EHMT1: variants seen among roughly 807,000 people sequenced by gnomAD.
The protein encoded by EHMT1 is euchromatic histone lysine methyltransferase 1.
EHMT1 carries 15 observed loss-of-function variants against 147.2 expected under a neutral mutation model. The ratio of observed to expected loss-of-function variants is 0.10; its 90% CI spans 0.07 to 0.16. EHMT1 has a LOEUF of 0.16. Ranked by LOEUF, EHMT1 falls within the 10% of genes least tolerant of loss-of-function variation. The pLI is 1.00. For synonymous variants in EHMT1, 795 were observed against 709.6 expected (o/e 1.12, Z -1.91); for missense variants, 1,587 against 1,772.4 (o/e 0.90, Z 1.88).
intron 25 of EHMT1, among the ~76,000 whole-genome samples, chr9:137,833,150 C>G (rs1302431261): frequency 6.6e-6 from 1 of 152,220 alleles, no homozygotes; most frequent in African/African-American, 2.4e-5. Flanking sequence ...ACCTCTTGAC[C>G]TCTGAGCGTC....
intron 1 of EHMT1, among the ~76,000 whole-genome samples, chr9:137,692,741 G>A (rs1484411940): frequency 6.6e-6 from 1 of 152,188 alleles, no homozygotes; most frequent in Non-Finnish European, 1.5e-5. Flanking sequence ...GGACGGCAGT[G>A]AACAATGCTC....
rs200373618 is a variant in EHMT1, at chr9:137,804,570, T to TA, written c.2712+3587dup. Among the ~76,000 whole-genome samples the TA allele has an allele frequency of 1.2e-3, 182 of 152,356 alleles. 3 individuals are homozygous for TA. In the East Asian group the frequency reaches 0.017, roughly 14 times the overall value. ...GGAAGTGCAGAATTTTAAAAGTTTT[T>TA]ATAAAGTTTGGTTTATCAACGTTTT... On this transcript the variant is annotated intron_variant, in intron 18 of 26. Coordinates refer to ENST00000460843, the MANE Select transcript of EHMT1 (RefSeq NM_024757.5).
At position 137,782,433 on chromosome 9, in the gene EHMT1, C is replaced by G. The variant is rs1175206168; in HGVS notation, c.2382+36C>G. The G allele has an allele frequency of 6.5e-7, 1 of 1,549,440 alleles. No individual in the cohort carries two copies. The highest frequency in any genetic ancestry group is 2.3e-5 in the East Asian group (1 of 42,968). On this transcript the variant is annotated intron_variant, in intron 15 of 26. Coordinates refer to ENST00000460843, the MANE Select transcript of EHMT1 (RefSeq NM_024757.5). The surrounding 1 kb of genome is among the most constrained non-coding windows in gnomAD (Gnocchi z 5.7). ...ACGGCGCCCTCCTAGGGCTCTTCAC[C>G]TGCTCTCTTTTATTTTTACCAAAGT...
At chr9:137,635,436 T>C (rs551415008) in intron 1 of EHMT1, among the ~76,000 whole-genome samples, 1 of 151,150 alleles carries the variant, frequency 6.6e-6, no homozygotes, top group Non-Finnish European at 1.5e-5. Context: ...AGGCTGGTCT[T>C]GAACTTCTGA....
At chr9:137,772,146 A>G (rs1423096628) in intron 10 of EHMT1, among the ~76,000 whole-genome samples, 1 of 152,138 alleles carries the variant, frequency 6.6e-6, no homozygotes, top group Non-Finnish European at 1.5e-5. Flanking sequence ...TTAGCAATGC[A>G]TATGGAGTTA....
At chr9:137,724,056 A>G (rs1344153565) in intron 3 of EHMT1, among the ~76,000 whole-genome samples, 1 of 152,096 alleles carries the variant, frequency 6.6e-6, no homozygotes, top group Non-Finnish European at 1.5e-5. Context: ...TTCCTTGTAA[A>G]TTGTGCCCAC....
chr9:137,683,977 T>TA (rs1452876245), intron 1 of EHMT1, among the ~76,000 whole-genome samples: 1 of 152,142 alleles, frequency 6.6e-6, no homozygotes, highest in South Asian at 2.1e-4. Flanking sequence ...AACAATATAA[T>TA]ATTGCTTTGT....
chr9:137,757,127 C>A (rs1949436375), intron 8 of EHMT1, among the ~76,000 whole-genome samples: 1 of 152,200 alleles, frequency 6.6e-6, no homozygotes, highest in South Asian at 2.1e-4. Context: ...TTACAAACAC[C>A]CAATTTTATA....
In EHMT1 at chr9:137,706,453, G is replaced by A. The variant is rs569099674; in HGVS notation, c.22-4514G>A. Among the ~76,000 whole-genome samples the A allele has an allele frequency of 1.3e-5, 2 of 152,356 alleles. 1 individual carries two copies. The highest frequency in any genetic ancestry group is 4.1e-4 in the South Asian group (2 of 4,830). On this transcript the variant is annotated intron_variant, in intron 1 of 26. Transcript: ENST00000460843. ...TAGGCTGAATGATTGAGATGAGACA[G>A]CATTTCTGTCACTGTTATGAACAGG...
chr9:137,743,903 G>A lies in EHMT1; in HGVS notation c.983G>A (p.Gly328Glu), dbSNP rs1468659406. The change falls in exon 6 of 27, where the codon GGG (glycine) becomes GAG (glutamate). Residue 328 changes from glycine (G) to glutamate (E), a missense_variant and splice_region_variant. Coordinates refer to ENST00000460843, the MANE Select transcript of EHMT1 (RefSeq NM_024757.5). ...SITHSTVGSK[G>E]EKDLGASSLH... ...GGTATACACCTGCCCGTGTTCTAGG[G>A]GGAGAAGGACCTGGGCGCCAGCAGC... 7 of 1,611,084 alleles carry A rather than the reference G, an allele frequency of 4.3e-6. No homozygotes were observed. In the East Asian group the frequency reaches 1.6e-4, roughly 36 times the overall value.
At chr9:137,710,874 A>T in intron 1 of EHMT1, 93 bp from the exon 2 acceptor site, 1 of 1,410,296 alleles carries the variant, frequency 7.1e-7, no homozygotes, top group Non-Finnish European at 9.7e-7. Flanking sequence ...TGAATGTTGT[A>T]ACTACGATTT....
At chr9:137,712,383 C>T (rs1944823668) in intron 2 of EHMT1, among the ~76,000 whole-genome samples, 1 of 152,210 alleles carries the variant, frequency 6.6e-6, no homozygotes, top group Non-Finnish European at 1.5e-5. Context: ...GCTGGACCCC[C>T]ACGGTGGCTG....
At chr9:137,788,505 T>TAGGGGTCCTTGCAGGTGC in intron 15 of EHMT1, 1 of 159,164 alleles carries the variant, frequency 6.3e-6, no homozygotes, top group Non-Finnish European at 1.4e-5. Flanking sequence ...GTTGCAGGTG[T>TAGGGGTCCTTGCAGGTGC]AGGGGTCCTT....
At chr9:137,823,075 C>G (rs1157320002) in intron 25 of EHMT1, among the ~76,000 whole-genome samples, 1 of 148,990 alleles carries the variant, frequency 6.7e-6, no homozygotes, top group African/African-American at 2.5e-5. Flanking sequence ...GGACTACAGG[C>G]GCCGGCCACC....
At chr9:137,711,273 T>C (rs1328576094) in intron 2 of EHMT1, among the ~76,000 whole-genome samples, 4 of 152,188 alleles carry the variant, frequency 2.6e-5, no homozygotes, top group Non-Finnish European at 5.9e-5. Flanking sequence ...TATCCTTGTC[T>C]TAAAGTACAC....
At chr9:137,708,638 T>C (rs1479940195) in intron 1 of EHMT1, among the ~76,000 whole-genome samples, 1 of 152,228 alleles carries the variant, frequency 6.6e-6, no homozygotes, top group African/African-American at 2.4e-5. Flanking sequence ...GATACACATT[T>C]ACATGTGTTT....
At position 137,694,271 on chromosome 9, in the gene EHMT1, C is replaced by T. The variant is rs112056324; in HGVS notation, c.22-16696C>T. ...GATACCCCCACACAGTGGCGCAGGA[C>T]GCTGGCCGATACCCCCACACAGTGG... is the stretch of plus-strand genomic sequence containing the variant. On this transcript the variant is annotated intron_variant, in intron 1 of 26. Transcript: ENST00000460843. Among the ~76,000 whole-genome samples the T allele has an allele frequency of 5.4e-3, 635 of 118,496 alleles. 9 individuals are homozygous for T. The highest frequency in any genetic ancestry group is 0.016 in the African/African-American group (473 of 29,522). The allele number at this position is 118,496 out of a possible 152,430, so 77.7% of individuals were successfully genotyped here.
At chr9:137,805,114 T>A (rs1357123099) in intron 18 of EHMT1, among the ~76,000 whole-genome samples, 1 of 118,958 alleles carries the variant, frequency 8.4e-6, no homozygotes, top group African/African-American at 9.0e-5. Context: ...GAGTCAGTCA[T>A]CTGCATGTGT....
At chr9:137,721,979 A>ATT (rs398069071) in intron 3 of EHMT1, among the ~76,000 whole-genome samples, 6 of 141,148 alleles carry the variant, frequency 4.3e-5, no homozygotes, top group South Asian at 2.3e-4. Context: ...AATTTCTCTA[A>ATT]TTTTTTTTTT....
Sources: gnomAD v4.1 joint callset for allele counts (sites outside exome capture counted in the v4.1 genomes callset) on GRCh38, gnomAD v4.1.1 for gene constraint, Gnocchi (gnomAD v3.1) non-coding constraint, MANE v1.5 for transcripts, NCBI Gene and HGNC (gene_info 2026-07-23, HGNC 2026-07-21) for gene names.